MRPS25: variants seen among roughly 807,000 people sequenced by gnomAD.
The protein encoded by MRPS25 is small ribosomal subunit protein mS25.
In MRPS25, 15 loss-of-function variants were observed where a neutral mutation model predicts 17.3. The observed-to-expected ratio is 0.87, with a 90% CI of 0.58 to 1.34. The LOEUF (loss-of-function observed/expected upper bound fraction) is 1.34. Among genes scored for constraint, MRPS25 ranks in the 40% most tolerant of loss-of-function variants. The pLI is 0.00. For synonymous variants in MRPS25, 94 were observed against 83.3 expected, an observed-to-expected ratio of 1.13 and a Z score of -0.70; for missense variants, 225 against 218.6, an observed-to-expected ratio of 1.03 and a Z score of -0.19.
intron 1 of MRPS25, among the ~76,000 whole-genome samples, chr3:15,062,556 A>G (rs1454142715): frequency 9.3e-5 from 14 of 151,054 alleles, no homozygotes; most frequent in African/African-American, 2.7e-4. Flanking sequence ...CCACCACCCC[A>G]TCTGGGAGGT....
rs1298123235 is a variant in MRPS25 at position 15,049,060 on chromosome 3, A to C, written c.*3381T>G. The C allele has an allele frequency of 6.5e-6, 1 of 152,688 alleles. No homozygotes were observed. Among genetic ancestry groups the C allele is most frequent in the Non-Finnish European group, 1.5e-5 (1 of 68,050 alleles). 9.5% of individuals were successfully genotyped at this position (152,688 alleles called of 1,614,324 possible). On this transcript the variant is annotated 3_prime_UTR_variant, in exon 4 of 4. Transcript: ENST00000253686. ...TTTGTTTATGTGATGGCATTTAAAA[A>C]ATAGCATGTTCTTTTTAAACTGAAT... is the stretch of plus-strand genomic sequence containing the variant.
chr3:15,060,066 A>G (rs1320759338), intron 1 of MRPS25, among the ~76,000 whole-genome samples: 2 of 152,140 alleles, frequency 1.3e-5, no homozygotes, highest in Non-Finnish European at 2.9e-5. Flanking sequence ...ATTAATCTGA[A>G]CGCTGAATAT....
Position 15,053,362 on chromosome 3 carries a change from T to C in MRPS25, c.329+18A>G, listed in dbSNP as rs778163033. The C allele has an allele frequency of 7.4e-6, 12 of 1,614,020 alleles. No homozygotes were observed. The Admixed American group carries it at 1.2e-4, about 16-fold the overall frequency. ...GGCTGAGAAGTTTGTTCCTTCCAGG[T>C]CAAACCAAACAACTCACTCATTCTT... On this transcript the variant is annotated intron_variant, in intron 3 of 3. Coordinates refer to ENST00000253686, the MANE Select transcript of MRPS25 (RefSeq NM_022497.5).
At chr3:15,056,077 G>A (rs549371208) in intron 2 of MRPS25, among the ~76,000 whole-genome samples, 1 of 151,762 alleles carries the variant, frequency 6.6e-6, no homozygotes, top group Non-Finnish European at 1.5e-5. Context: ...GCCAGGCGTG[G>A]TGTGGCGGGT....
At position 15,050,175 on chromosome 3, in the gene MRPS25, G is replaced by A; in HGVS notation, c.*2266C>T. On this transcript the variant is annotated 3_prime_UTR_variant, in exon 4 of 4. Coordinates refer to ENST00000253686, the MANE Select transcript of MRPS25 (RefSeq NM_022497.5). Reference sequence around the variant, plus strand: ...ACAGGGAACAAAAAAAGAAAATAATGTTTATTTCCACAAATTATCTGCTGC... The same window carrying A: ...ACAGGGAACAAAAAAAGAAAATAATATTTATTTCCACAAATTATCTGCTGC... 1 of 1,258,676 alleles carries A rather than the reference G, an allele frequency of 7.9e-7. No homozygotes were observed. The highest frequency in any genetic ancestry group is 1.0e-6 in the Non-Finnish European group (1 of 1,004,312). 78.0% of individuals were successfully genotyped at this position (1,258,676 alleles called of 1,614,324 possible).
At chr3:15,043,916 GT>G (rs2042359655), downstream of MRPS25, 1 of 152,226 alleles carries the variant, frequency 6.6e-6, no homozygotes, top group South Asian at 2.1e-4. Flanking sequence ...TCCGCCGCTC[GT>G]GGCAGATGGA....
At chr3:15,064,223 G>C (rs1008168801) in intron 1 of MRPS25, among the ~76,000 whole-genome samples, 1 of 152,166 alleles carries the variant, frequency 6.6e-6, no homozygotes, top group African/African-American at 2.4e-5. Context: ...ACACAGCCTA[G>C]CACTCAGAGT....
downstream of MRPS25, chr3:15,046,354 G>A (rs1024635076): frequency 6.6e-6 from 1 of 152,260 alleles, no homozygotes; most frequent in Non-Finnish European, 1.5e-5. Flanking sequence ...AACAGTGGAT[G>A]CGTTAGGCTC....
rs1453574033 is a variant in MRPS25, at chr3:15,049,146, A to G, written c.*3295T>C. ...AATTTGCATTGTTGTGTTTGTATAT[A>G]GAGTATTGCAGTGCATGAATTAGCT... On this transcript the variant is annotated 3_prime_UTR_variant, in exon 4 of 4. Transcript: ENST00000253686. 3 of 152,670 alleles carry G rather than the reference A, an allele frequency of 2.0e-5. No homozygotes were observed. The highest frequency in any genetic ancestry group is 1.9e-4 in the East Asian group (1 of 5,206). 9.5% of individuals were successfully genotyped at this position (152,670 alleles called of 1,614,324 possible).
intron 2 of MRPS25, 37 bp downstream of exon 2, chr3:15,059,332 G>C (rs941334235): frequency 1.4e-5 from 19 of 1,400,420 alleles, no homozygotes; most frequent in Non-Finnish European, 1.8e-5. Context: ...AGGCATGTCT[G>C]GGACAGCCCC....
At chr3:15,061,969 C>T (rs1394235784) in intron 1 of MRPS25, among the ~76,000 whole-genome samples, 1 of 145,390 alleles carries the variant, frequency 6.9e-6, no homozygotes, top group African/African-American at 2.6e-5. Flanking sequence ...GTGAGGAGCC[C>T]CTCCGCCCGG....
chr3:15,052,785 CT>C (rs1191122708), intron 3 of MRPS25, 152 bp from the exon 4 acceptor site: 2 of 834,108 alleles, frequency 2.4e-6, no homozygotes, highest in Non-Finnish European at 3.7e-6. Context: ...CTATCGCTGT[CT>C]CCCTGCTGGC....
chr3:15,059,276 A>C, intron 2 of MRPS25, 93 bp downstream of exon 2: 1 of 867,552 alleles, frequency 1.2e-6, no homozygotes, highest in Non-Finnish European at 1.9e-6. Flanking sequence ...GACAGCGCAC[A>C]CTGCAGCTCA....
At chr3:15,065,035 G>A (rs778447597) in intron 1 of MRPS25, 26 bp downstream of exon 1, 1 of 1,522,872 alleles carries the variant, frequency 6.6e-7, no homozygotes, top group Non-Finnish European at 8.8e-7. Flanking sequence ...GTTACGGCTC[G>A]CCAGGCGGCC....
intron 1 of MRPS25, among the ~76,000 whole-genome samples, chr3:15,062,408 C>T (rs2042783597): frequency 1.1e-5 from 1 of 93,574 alleles, no homozygotes; most frequent in East Asian, 3.5e-4. Context: ...GGGGTCAGCC[C>T]CCCGCCCGGC....
intron 1 of MRPS25, among the ~76,000 whole-genome samples, chr3:15,063,188 G>C (rs927584693): frequency 2.0e-5 from 3 of 152,220 alleles, no homozygotes; most frequent in African/African-American, 7.2e-5. Context: ...AAGGTCAGAA[G>C]TTAAGTAAAC....
downstream of MRPS25, chr3:15,042,758 AC>A (rs1364654779): frequency 9.4e-5 from 129 of 1,369,274 alleles, no homozygotes; most frequent in Middle Eastern, 2.1e-4. Flanking sequence ...TACAGACGGG[AC>A]CCCAGGAGCC....
In MRPS25 at chr3:15,053,406, G is replaced by A; in HGVS notation, c.303C>T (p.His101=). The A allele has an allele frequency of 6.2e-7, 1 of 1,614,032 alleles. No individual in the cohort carries two copies. Among genetic ancestry groups the A allele is most frequent in the Non-Finnish European group, 8.5e-7 (1 of 1,180,012 alleles). ...ETKSNKEIME[H]IRKILGKNEE... is the part of the protein sequence containing the mutation. ...CATTCTTCCCCAAGATTTTTCTGATGTGCTCCATGATCTCCTTATTGCTCT... is the reference window on the plus strand; with the variant it reads ...CATTCTTCCCCAAGATTTTTCTGATATGCTCCATGATCTCCTTATTGCTCT... The change falls in exon 3 of 4, where the codon CAC becomes CAT. Residue 101 remains histidine, a synonymous_variant. Transcript: ENST00000253686.
intron 3 of MRPS25, 98 bp from the exon 4 acceptor site, chr3:15,052,731 C>T: frequency 8.1e-7 from 1 of 1,230,310 alleles, no homozygotes; most frequent in Non-Finnish European, 1.2e-6. Context: ...CCACCAGGGA[C>T]ACCTGGATCT....
Sources: allele counts gnomAD v4.1 joint callset (sites outside exome capture counted in the v4.1 genomes callset), GRCh38; gene constraint gnomAD v4.1.1; transcripts MANE v1.5; gene names NCBI Gene and HGNC (gene_info 2026-07-23, HGNC 2026-07-21).